CEP72: variants seen among roughly 807,000 people sequenced by gnomAD.
CEP72 encodes centrosomal protein 72.
Under a neutral mutation model 65.7 loss-of-function variants are expected in CEP72, and 78 were observed. The ratio of observed to expected loss-of-function variants is 1.19; its 90% CI spans 0.99 to 1.43. CEP72 has a LOEUF of 1.43. CEP72 is among the 40% of genes most tolerant of loss of function. The pLI is 0.00. For synonymous variants in CEP72, 358 were observed against 351.7 expected, an observed-to-expected ratio of 1.02 and a Z score of -0.20; for missense variants, 914 against 832.9, an observed-to-expected ratio of 1.10 and a Z score of -1.20.
Position 640,533 on chromosome 5 carries a change from G to A in CEP72, c.1468G>A (p.Glu490Lys), listed in dbSNP as rs377760353. The change falls in exon 9 of 12, where the codon GAG (glutamate) becomes AAG (lysine). Residue 490 changes from glutamate to lysine, a missense_variant. Glu to Lys is a moderately conservative substitution (Grantham distance 56). Transcript: ENST00000264935. The part of the protein sequence containing the change: ...ESKSLQSRLA[E>K]QQQQHAREMS... ...TAAGTCCCTGCAAAGCCGCCTTGCT[G>A]AGCAGCAGCAGCAGCACGCCCGGGA... 6.2e-7 allele frequency: 1 copy of A among 1,614,100 alleles called. No homozygotes were observed. Among genetic ancestry groups the A allele is most frequent in the Non-Finnish European group, 8.5e-7 (1 of 1,179,992 alleles).
At chr5:641,080 C>T in intron 9 of CEP72, 1 of 985,472 alleles carries the variant, frequency 1.0e-6, no homozygotes, top group Non-Finnish European at 1.2e-6. Context: ...TGTATTGGGC[C>T]TCAGGCTCAG....
chr5:636,114 A>G (rs2126783495), intron 6 of CEP72, among the ~76,000 whole-genome samples: 1 of 152,372 alleles, frequency 6.6e-6, no homozygotes, highest in Middle Eastern at 3.4e-3. Flanking sequence ...TTCGAACTAC[A>G]GCAACATGAA....
downstream of CEP72, among the ~76,000 whole-genome samples, chr5:671,577 C>T (rs1740225878): frequency 6.6e-6 from 1 of 152,240 alleles, no homozygotes; most frequent in Non-Finnish European, 1.5e-5. Context: ...AGACGGGTGC[C>T]TGTCGCCGCA....
rs182174371 is a variant in CEP72 at position 625,207 on chromosome 5, G to A, written c.512+628G>A. 4.6e-5 allele frequency among the ~76,000 whole-genome samples: 7 copies of A among 152,320 alleles called. No homozygotes were observed. In the East Asian group the frequency reaches 1.2e-3, roughly 25 times the overall value. On this transcript the variant is annotated intron_variant, in intron 4 of 11. Transcript: ENST00000264935. ...TATCCCAAAACCCTAGAGAGACTTCGTGCTTTGTTTATGGGTTGATTCAAG... is the reference window on the plus strand; with the variant it reads ...TATCCCAAAACCCTAGAGAGACTTCATGCTTTGTTTATGGGTTGATTCAAG...
intron 9 of CEP72, 113 bp downstream of exon 9, chr5:640,717 G>A (rs1255562151): frequency 7.2e-5 from 104 of 1,450,202 alleles, no homozygotes; most frequent in Admixed American, 1.5e-4. Flanking sequence ...TGCCATCTCT[G>A]CAGCCCCATG....
At chr5:644,052 C>T (rs577913059) in intron 9 of CEP72, 13 of 447,020 alleles carry the variant, frequency 2.9e-5, no homozygotes, top group African/African-American at 2.2e-4. Context: ...GTGGGGCTCT[C>T]ACAGGACTGG....
rs372321350 is a variant in CEP72 at position 653,005 on chromosome 5, A to G, written c.1796A>G (p.Asn599Ser). The G allele has an allele frequency of 3.2e-5, 51 of 1,612,510 alleles. No individual in the cohort carries two copies. In the East Asian group the frequency reaches 5.8e-4, roughly 18 times the overall value. The change falls in exon 12 of 12, where the codon AAT (asparagine) becomes AGT (serine). Residue 599 changes from asparagine to serine, a missense_variant. Transcript: ENST00000264935. ...TTCTGCAGCTCCCTGGTCAGCACCAATGAACACCTGCTGCAGGAGCTGAGC... is the reference window on the plus strand; with the variant it reads ...TTCTGCAGCTCCCTGGTCAGCACCAGTGAACACCTGCTGCAGGAGCTGAGC... ...QESHSSLVST[N>S]EHLLQELSQV...
At chr5:651,344 TGAGGTGTGAC>T in intron 11 of CEP72, among the ~76,000 whole-genome samples, 1 of 148,856 alleles carries the variant, frequency 6.7e-6, no homozygotes, top group African/African-American at 2.5e-5. Context: ...GGTGTGACTG[TGAGGTGTGAC>T]TGAGGCATGG....
the CEP72 span, chr5:675,943 A>T: frequency 6.6e-6 from 1 of 152,170 alleles, no homozygotes; most frequent in South Asian, 2.1e-4. Flanking sequence ...TGGCGGGGCC[A>T]CTGGGACTGG....
At chr5:667,171 C>T (rs1739951547), downstream of CEP72, 1 of 152,228 alleles carries the variant, frequency 6.6e-6, no homozygotes, top group Admixed American at 6.5e-5. Flanking sequence ...GACTGACTAC[C>T]CAACTCCAAA....
rs113602099 is a variant in CEP72, at chr5:639,142, G to A, written c.1260G>A (p.Ala420=). The A allele has an allele frequency of 6.9e-5, 112 of 1,613,048 alleles. No homozygotes were observed. Among genetic ancestry groups the A allele is most frequent in the Middle Eastern group, 1.7e-4 (1 of 6,048 alleles). ...ALPGKKTALQ[A]ALLETLLDLV... is the part of the protein sequence containing the mutation. ...CCGGGAAGAAGACGGCCCTGCAGGC[G>A]GCGCTCCTGGAGACGCTCTTGGACC... The change falls in exon 8 of 12, where the codon GCG becomes GCA. Residue 420 remains alanine (A), a synonymous_variant. Coordinates refer to ENST00000264935, the MANE Select transcript of CEP72 (RefSeq NM_018140.4).
chr5:658,770 G>A (rs985733482), downstream of CEP72, among the ~76,000 whole-genome samples: 72 of 141,388 alleles, frequency 5.1e-4, no homozygotes, highest in African/African-American at 1.8e-3. Context: ...CCGGGTTCAC[G>A]CCATTCTCCT....
rs780477887 is a variant in CEP72 at position 653,152 on chromosome 5, G to A, written c.1943G>A (p.Ter648=). The A allele has an allele frequency of 6.3e-7, 1 of 1,597,292 alleles. No individual in the cohort carries two copies. The highest frequency in any genetic ancestry group is 8.5e-7 in the Non-Finnish European group (1 of 1,173,378). The change falls in exon 12 of 12, where the codon TGA becomes TAA. Residue 648 remains the stop codon, a stop_retained_variant. Transcript: ENST00000264935. ...SASHGGCQAC[*] ...AGCCATGGAGGCTGCCAGGCCTGCT[G>A]ACTCCTGCCGAGAAGCTGGGCCACC...
chr5:624,606 CAG>C lies in CEP72; in HGVS notation c.512+30_512+31del. ...TATGAACGGAAGTGCTACGGACACC[CAG>C]AGTGTTTCTGACTGGCCTGCTGTCA... On this transcript the variant is annotated intron_variant, in intron 4 of 11. Transcript: ENST00000264935. This position sits in a 1 kb window ranked among gnomAD's most constrained non-coding sequence, Gnocchi z 4.7. 6.7e-7 allele frequency: 1 copy of C among 1,482,720 alleles called. No homozygotes were observed. Among genetic ancestry groups the C allele is most frequent in the Non-Finnish European group, 9.4e-7 (1 of 1,060,236 alleles). 91.8% of individuals were successfully genotyped at this position (1,482,720 alleles called of 1,614,324 possible).
At chr5:664,926 G>A in intron 2 of CEP72, 1 of 679,576 alleles carries the variant, frequency 1.5e-6, no homozygotes, top group South Asian at 1.9e-5. Flanking sequence ...GGGGAGTGCT[G>A]GGGGCATCCG....
chr5:656,105 T>TGTG (rs2126839489), downstream of CEP72, among the ~76,000 whole-genome samples: 3 of 152,332 alleles, frequency 2.0e-5, no homozygotes, highest in Admixed American at 1.3e-4. Flanking sequence ...TTGTGAAGCT[T>TGTG]AAGGATCCAG....
intron 1 of CEP72, among the ~76,000 whole-genome samples, chr5:615,968 C>A (rs1735964099): frequency 6.6e-6 from 1 of 152,200 alleles, no homozygotes; most frequent in African/African-American, 2.4e-5. Context: ...ATCCTCTCCC[C>A]TTTACAATTT....
intron 10 of CEP72, among the ~76,000 whole-genome samples, 200 bp from the exon 11 acceptor site, chr5:647,605 C>T (rs1246198058): frequency 6.6e-6 from 1 of 152,208 alleles, no homozygotes; most frequent in African/African-American, 2.4e-5. Flanking sequence ...CTGGGGAGGG[C>T]CCAGGGTAGA....
intron 4 of CEP72, among the ~76,000 whole-genome samples, chr5:666,457 G>A (rs1258723538): frequency 1.3e-5 from 2 of 152,210 alleles, no homozygotes; most frequent in African/African-American, 4.8e-5. Flanking sequence ...GCCCAGCTGC[G>A]CCGGGAGCTG....
Sources: allele counts gnomAD v4.1 joint callset (sites outside exome capture counted in the v4.1 genomes callset), GRCh38; gene constraint gnomAD v4.1.1; non-coding constraint Gnocchi (gnomAD v3.1); transcripts MANE v1.5; gene names NCBI Gene and HGNC (gene_info 2026-07-23, HGNC 2026-07-21).